Variants in ANO3 observed in about 807,000 individuals in gnomAD.
The protein encoded by ANO3 is anoctamin-3.
ANO3 carries 99 observed loss-of-function variants against 144.8 expected under a neutral mutation model. The observed-to-expected ratio is 0.68, with a 90% confidence interval of 0.58 to 0.81. ANO3 has a LOEUF of 0.81. Among genes scored for constraint, ANO3 ranks in the 30% least tolerant of loss-of-function variants. The probability of loss-of-function intolerance (pLI) is 0.00; values close to 1 mark genes in which losing one functional copy is unlikely to be tolerated. For missense variants in ANO3, 905 were observed against 1,202.2 expected, an observed-to-expected ratio of 0.75 and a Z score of 3.66; for synonymous variants, 414 against 392.6, an observed-to-expected ratio of 1.05 and a Z score of -0.64.
At chr11:26,656,030 A>C (rs1853676748) in intron 24 of ANO3, 95 bp from the exon 25 acceptor site, 1 of 988,230 alleles carries the variant, frequency 1.0e-6, no homozygotes, top group Non-Finnish European at 1.5e-6. Flanking sequence ...AATGGAAAGA[A>C]TAATACATTT....
intron 14 of ANO3, among the ~76,000 whole-genome samples, chr11:26,584,808 T>G (rs1031533935): frequency 1.3e-5 from 2 of 152,222 alleles, no homozygotes; most frequent in Non-Finnish European, 2.9e-5. Flanking sequence ...TGTGACTCTA[T>G]GATTCTGATA....
chr11:26,571,947 A>G (rs1484905589), intron 14 of ANO3: 6 of 423,202 alleles, frequency 1.4e-5, no homozygotes, highest in Non-Finnish European at 1.9e-5. Context: ...AGTTGAGACC[A>G]CTGCGATTCT....
chr11:26,220,843 G>A (rs67029124), intron 1 of ANO3, among the ~76,000 whole-genome samples: 45,990 of 151,896 alleles, frequency 0.3, 7,699 homozygotes, highest in Non-Finnish European at 0.37. Context: ...AGGTATACCC[G>A]TTGGGCAGGA....
intron 14 of ANO3, among the ~76,000 whole-genome samples, chr11:26,588,141 C>A (rs1851342098): frequency 6.6e-6 from 1 of 152,042 alleles, no homozygotes; most frequent in Admixed American, 6.6e-5. Context: ...ACTTGTATAA[C>A]CACCGTCACC....
In ANO3 at chr11:26,630,976, C is replaced by CTTT. The variant is rs376791578; in HGVS notation, c.1874-3219_1874-3217dup. On this transcript the variant is annotated intron_variant, in intron 18 of 26. Coordinates refer to ENST00000256737, the MANE Select transcript of ANO3 (RefSeq NM_031418.4). ...ATTCTGAGGTAGATATTTACATTTT[C>CTTT]TTTTTTTTTTTAGTTAATGCACTGG... 4.7e-5 allele frequency among the ~76,000 whole-genome samples: 7 copies of CTTT among 148,040 alleles called. No homozygotes were observed. The South Asian group carries it at 1.1e-3, about 23-fold the overall frequency.
chr11:26,466,132 C>G (rs1267991977), intron 4 of ANO3, among the ~76,000 whole-genome samples: 1 of 151,732 alleles, frequency 6.6e-6, no homozygotes, highest in Non-Finnish European at 1.5e-5. Context: ...TACTTTAGGA[C>G]CAATATGGCA....
At chr11:26,467,564 A>C (rs1353033357) in intron 4 of ANO3, among the ~76,000 whole-genome samples, 1 of 151,890 alleles carries the variant, frequency 6.6e-6, no homozygotes, top group African/African-American at 2.4e-5. Flanking sequence ...GATTTCCTTT[A>C]GCATAATGAC....
chr11:26,532,158 T>C (rs777925719), intron 8 of ANO3, among the ~76,000 whole-genome samples: 1 of 152,132 alleles, frequency 6.6e-6, no homozygotes, highest in African/African-American at 2.4e-5. Flanking sequence ...ACATGTAACA[T>C]AGCCATCAAT....
chr11:26,370,164 C>A (rs533141576), intron 1 of ANO3, among the ~76,000 whole-genome samples: 1 of 152,244 alleles, frequency 6.6e-6, no homozygotes, highest in South Asian at 2.1e-4. Context: ...GAGAGGGACC[C>A]AGTGAGAGGT....
chr11:26,283,317 AAT>A lies in ANO3; in HGVS notation c.155-26326_155-26325del, dbSNP rs1191178432. Among the ~76,000 whole-genome samples the A allele has an allele frequency of 9.4e-4, 73 of 77,592 alleles. 2 individuals carry two copies. Among genetic ancestry groups the A allele is most frequent in the African/African-American group, 2.8e-3 (70 of 24,616 alleles). 50.9% of individuals were successfully genotyped at this position (77,592 alleles called of 152,430 possible). A position where few individuals can be genotyped will look rare whatever the true frequency, so the allele number is the denominator to read the frequency against. On this transcript the variant is annotated intron_variant, in intron 1 of 27. Coordinates refer to the ANO3 transcript ENST00000672621. ...CATATCTTACCAAAATAAACAAATA[AAT>A]AAATATATATATATATATATATATA...
In ANO3 at chr11:26,332,312, C is replaced by T; in HGVS notation, c.37C>T (p.Gln13Ter). The T allele has an allele frequency of 6.2e-7, 1 of 1,613,954 alleles. No individual in the cohort carries two copies. Among genetic ancestry groups the T allele is most frequent in the Non-Finnish European group, 8.5e-7 (1 of 1,179,996 alleles). Residue 13 changes from glutamine (Q) to a stop codon, truncating the protein, a stop_gained, in exon 1 of 27, where the codon CAG becomes TAG. Coordinates refer to ENST00000256737, the MANE Select transcript of ANO3 (RefSeq NM_031418.4). LOFTEE classifies it high-confidence loss of function. ...TTCAGGCTCCATTCAGTCCTTTAAA[C>T]AGCAAAAAGGTCAGTTGGAATCTTG... ...HHSGSIQSFK[Q>*]QKGMNISKSE...
At chr11:26,257,032 T>A (rs920309240) in intron 1 of ANO3, among the ~76,000 whole-genome samples, 1 of 152,020 alleles carries the variant, frequency 6.6e-6, no homozygotes, top group South Asian at 2.1e-4. Context: ...AGATCAAAAT[T>A]GTCTGATGAT....
chr11:26,245,799 A>T (rs1180895298), intron 1 of ANO3, among the ~76,000 whole-genome samples: 10 of 152,050 alleles, frequency 6.6e-5, no homozygotes, highest in Admixed American at 5.9e-4. Context: ...GGAAAGAGAG[A>T]TGGGGAAATG....
intron 14 of ANO3, among the ~76,000 whole-genome samples, chr11:26,595,422 G>T (rs936453482): frequency 1.4e-5 from 2 of 144,768 alleles, no homozygotes; most frequent in Admixed American, 1.4e-4. Context: ...TTTGGAGAGG[G>T]TGTAGGTAAA....
At position 26,612,560 on chromosome 11, in the gene ANO3, T is replaced by C. The variant is rs112240296; in HGVS notation, c.1837-11902T>C. 2.7e-4 allele frequency among the ~76,000 whole-genome samples: 41 copies of C among 151,344 alleles called. 1 individual carries two copies. Among genetic ancestry groups the C allele is most frequent in the Middle Eastern group, 3.4e-3 (1 of 294 alleles). On this transcript the variant is annotated intron_variant, in intron 17 of 26. Transcript: ENST00000256737. ...GCACCGTTATTTCAATAGATTATTC[T>C]CAGTTCGATTTATGAATTTGTCTAC...
intron 1 of ANO3, among the ~76,000 whole-genome samples, chr11:26,261,287 A>C (rs1853183061): frequency 6.6e-6 from 1 of 152,176 alleles, no homozygotes; most frequent in Admixed American, 6.5e-5. Flanking sequence ...ACAGATATTT[A>C]GAGAACAGCC....
intron 1 of ANO3, among the ~76,000 whole-genome samples, chr11:26,386,615 T>A (rs907766941): frequency 6.6e-6 from 1 of 152,198 alleles, no homozygotes; most frequent in Non-Finnish European, 1.5e-5. Context: ...CTGAGAAGAA[T>A]ACAACATTAT....
At chr11:26,256,019 G>A (rs1416235376) in intron 1 of ANO3, among the ~76,000 whole-genome samples, 1 of 152,098 alleles carries the variant, frequency 6.6e-6, no homozygotes, top group Non-Finnish European at 1.5e-5. Flanking sequence ...AATTAGAAAG[G>A]TGATCAATAT....
intron 1 of ANO3, among the ~76,000 whole-genome samples, chr11:26,203,199 C>T (rs1851731460): frequency 6.6e-6 from 1 of 152,036 alleles, no homozygotes; most frequent in Admixed American, 6.6e-5. Context: ...GTCAATTTTG[C>T]TTATTTTGCC....
Sources: gnomAD v4.1 joint callset for allele counts (sites outside exome capture counted in the v4.1 genomes callset) on GRCh38, gnomAD v4.1.1 for gene constraint, MANE v1.5 for transcripts, NCBI Gene and HGNC (gene_info 2026-07-23, HGNC 2026-07-21) for gene names.